Variants in ENO1 observed in about 807,000 individuals in gnomAD.
ENO1 encodes alpha-enolase.
Under a neutral mutation model 46.3 loss-of-function variants are expected in ENO1, and 33 were observed. The observed-to-expected ratio is 0.71, with a 90% CI of 0.54 to 0.95. The LOEUF (loss-of-function observed/expected upper bound fraction) is 0.95, where lower values mean the gene tolerates loss of function less well. Ranked by LOEUF, ENO1 falls within the 40% of genes least tolerant of loss-of-function variation. The probability of loss-of-function intolerance (pLI) is 0.00; values close to 1 mark genes in which losing one functional copy is unlikely to be tolerated. For synonymous variants in ENO1, 220 were observed against 216.0 expected (o/e 1.02, Z -0.16); for missense variants, 488 against 553.3 (o/e 0.88, Z 1.18).
intron 9 of ENO1, 58 bp from the exon 10 acceptor site, chr1:8,863,401 C>G: frequency 6.6e-7 from 1 of 1,525,924 alleles, no homozygotes; most frequent in Non-Finnish European, 8.9e-7. Context: ...CCATAACCCC[C>G]AATGCCATTA....
At chr1:8,871,710 C>T in intron 3 of ENO1, 181 bp downstream of exon 3, 1 of 1,291,320 alleles carries the variant, frequency 7.7e-7, no homozygotes, top group East Asian at 2.6e-5. Context: ...ACCCCGGAAT[C>T]CACACACCAA....
chr1:8,864,586 G>T (rs1642471810), intron 8 of ENO1, among the ~76,000 whole-genome samples: 1 of 152,156 alleles, frequency 6.6e-6, no homozygotes, highest in African/African-American at 2.4e-5. Context: ...TTCCAGGCGT[G>T]AGCCACCATA....
Position 8,866,062 on chromosome 1 carries a change from CAG to C in ENO1, c.667+215_667+216del, listed in dbSNP as rs1569900993. Reference sequence around the variant, plus strand: ...CGCCACTGCACTCCAGCCTGGGCGACAGAGACTCCATCTCAAAAAAAAAAAAA... The same window carrying C: ...CGCCACTGCACTCCAGCCTGGGCGACAGACTCCATCTCAAAAAAAAAAAAA... On this transcript the variant is annotated intron_variant, in intron 7 of 11. Transcript: ENST00000234590. 1.3e-5 allele frequency: 6 copies of C among 466,584 alleles called. No homozygotes were observed. The East Asian group carries it at 1.5e-4, about 12-fold the overall frequency. The allele number at this position is 466,584 out of a possible 1,614,324, so 28.9% of individuals were successfully genotyped here.
At chr1:8,867,327 G>A (rs1317899720) in intron 5 of ENO1, 77 bp from the exon 6 acceptor site, 1 of 1,569,098 alleles carries the variant, frequency 6.4e-7, no homozygotes, top group Non-Finnish European at 8.7e-7. Context: ...TGCCCTGAGG[G>A]TTGTATTCTG....
intron 1 of ENO1, 171 bp downstream of exon 1, chr1:8,878,409 C>T (rs1215826147): frequency 3.1e-6 from 1 of 327,680 alleles, no homozygotes; most frequent in African/African-American, 2.3e-5. Context: ...CCCCGGGCCT[C>T]GGGGTGAGCG....
intron 7 of ENO1, 137 bp from the exon 8 acceptor site, chr1:8,865,619 T>C (rs577133243): frequency 8.4e-6 from 7 of 829,420 alleles, no homozygotes; most frequent in East Asian, 2.7e-5. Context: ...TGACATCAGT[T>C]ACTTTTTTTC....
rs1356620931 is a variant in ENO1, at chr1:8,865,492, G to C, written c.668-10C>G. ...TTCAGCAGCTCCAGGCCTGGGAAGA[G>C]ATGGTGACAACAGGTTTGGAAAACA... On this transcript the variant is annotated splice_polypyrimidine_tract_variant and intron_variant, in intron 7 of 11. Transcript: ENST00000234590. 2 of 1,612,236 alleles carry C rather than the reference G, an allele frequency of 1.2e-6. No homozygotes were observed. The highest frequency in any genetic ancestry group is 2.7e-5 in the African/African-American group (2 of 74,876).
chr1:8,877,068 C>A (rs1056639312), intron 1 of ENO1, among the ~76,000 whole-genome samples: 2 of 151,862 alleles, frequency 1.3e-5, no homozygotes, highest in African/African-American at 2.4e-5. Flanking sequence ...CGACTCACTG[C>A]AGGCTCCGCC....
intron 7 of ENO1, chr1:8,865,939 C>T (rs1471220998): frequency 6.0e-6 from 2 of 331,494 alleles, no homozygotes; most frequent in African/African-American, 4.3e-5. Flanking sequence ...CATGGCTAAG[C>T]TGCCCTGCCA....
intron 4 of ENO1, among the ~76,000 whole-genome samples, chr1:8,868,602 T>C (rs185910638): frequency 4.4e-4 from 67 of 152,352 alleles, no homozygotes; most frequent in Non-Finnish European, 8.4e-4. Context: ...AAATGAATTT[T>C]TGATGAGACT....
At chr1:8,874,130 A>G (rs1317650720) in intron 2 of ENO1, among the ~76,000 whole-genome samples, 1 of 152,170 alleles carries the variant, frequency 6.6e-6, no homozygotes, top group East Asian at 1.9e-4. Flanking sequence ...ATCAAGAGAT[A>G]CCATCCTATC....
rs373061143 is a variant in ENO1, at chr1:8,871,997, G to A, written c.86-11C>T. 1.4e-5 allele frequency: 23 copies of A among 1,611,480 alleles called. No homozygotes were observed. Among genetic ancestry groups the A allele is most frequent in the Non-Finnish European group, 1.9e-5 (22 of 1,178,300 alleles). On this transcript the variant is annotated splice_polypyrimidine_tract_variant and intron_variant, in intron 2 of 11. Transcript: ENST00000234590. ...CAGCTCTGAAGAGACCTGGATGAGAGGAAAAAAGATGTAGTAGCAATTCAG... is the reference window on the plus strand; with the variant it reads ...CAGCTCTGAAGAGACCTGGATGAGAAGAAAAAAGATGTAGTAGCAATTCAG...
intron 4 of ENO1, among the ~76,000 whole-genome samples, chr1:8,868,457 C>G (rs959175889): frequency 6.6e-6 from 1 of 152,174 alleles, no homozygotes; most frequent in African/African-American, 2.4e-5. Flanking sequence ...CTCAAGCAGG[C>G]TGAGCCCTTG....
chr1:8,870,771 A>C, intron 3 of ENO1: 1 of 1,413,082 alleles, frequency 7.1e-7, no homozygotes, highest in Non-Finnish European at 9.2e-7. Context: ...GTTAGTTTGC[A>C]AGACCATGCA....
rs1642462156 is a variant in ENO1 at position 8,864,064 on chromosome 1, C to T, written c.894G>A (p.Gln298=). 1.2e-6 allele frequency: 2 copies of T among 1,614,104 alleles called. No homozygotes were observed. The highest frequency in any genetic ancestry group is 2.2e-5 in the East Asian group (1 of 44,872). ...ACTTCTGCCAAGCTCCCCAGTCATC[C>T]TGGTCAAAGGGATCTTCGATAGACA... ...PVVSIEDPFD[Q]DDWGAWQKFT... is the part of the protein sequence containing the mutation. Residue 298 remains glutamine (Q), a synonymous_variant, in exon 9 of 12, where the codon CAG becomes CAA. Transcript: ENST00000234590.
At position 8,878,634 on chromosome 1, in the gene ENO1, G is replaced by A. The variant is rs1324002155; in HGVS notation, c.-64C>T. On this transcript the variant is annotated 5_prime_UTR_variant, in exon 1 of 12. Coordinates refer to ENST00000234590, the MANE Select transcript of ENO1 (RefSeq NM_001428.5). ...GGAAGCGGAGGGTGCTGCAGACACC[G>A]AGGTGAACGTAAAGCCGGCGAGATC... is the stretch of plus-strand genomic sequence containing the variant. The A allele has an allele frequency of 2.2e-6, 1 of 456,086 alleles. No homozygotes were observed. Among genetic ancestry groups the A allele is most frequent in the Non-Finnish European group, 4.4e-6 (1 of 226,796 alleles). The allele number at this position is 456,086 out of a possible 1,614,324, so 28.3% of individuals were successfully genotyped here.
intron 3 of ENO1, chr1:8,870,736 C>T: frequency 1.4e-6 from 2 of 1,428,684 alleles, no homozygotes; most frequent in South Asian, 3.0e-5. Flanking sequence ...AAAACAGCAG[C>T]TGGCTCAGAA....
chr1:8,868,121 T>C, intron 4 of ENO1, 64 bp from the exon 5 acceptor site: 1 of 1,179,918 alleles, frequency 8.5e-7, no homozygotes, highest in Non-Finnish European at 1.3e-6. Flanking sequence ...TTTGCTCCCC[T>C]ACCATGGAAT....
In ENO1 at chr1:8,871,725, C is replaced by G. The variant is rs568398742; in HGVS notation, c.181+166G>C. On this transcript the variant is annotated intron_variant, in intron 3 of 11. Transcript: ENST00000234590. ...ACCCCGGAATCCACACACCAACTTT[C>G]CTGTCCACAAGGTGGTGCACTGCTT... 2.6e-5 allele frequency: 33 copies of G among 1,261,090 alleles called. No homozygotes were observed. The Admixed American group carries it at 5.7e-4, about 22-fold the overall frequency. 78.1% of individuals were successfully genotyped at this position (1,261,090 alleles called of 1,614,324 possible). A position where few individuals can be genotyped will look rare whatever the true frequency, so the allele number is the denominator to read the frequency against.
Sources: gnomAD v4.1 joint callset for allele counts (sites outside exome capture counted in the v4.1 genomes callset) on GRCh38, gnomAD v4.1.1 for gene constraint, MANE v1.5 for transcripts, NCBI Gene and HGNC (gene_info 2026-07-23, HGNC 2026-07-21) for gene names.